Variants in SUFU observed in about 807,000 individuals in gnomAD.
SUFU encodes suppressor of fused homolog.
A neutral mutation model predicts 58.9 loss-of-function variants in SUFU; 7 were observed. That is an observed-to-expected ratio of 0.12 (90% CI 0.07 to 0.22). The LOEUF (loss-of-function observed/expected upper bound fraction) is 0.22. SUFU is among the 10% of genes least tolerant of loss of function. The pLI is 1.00. For synonymous variants in SUFU, 232 were observed against 254.8 expected (o/e 0.91, Z 0.85); for missense variants, 451 against 641.3 (o/e 0.70, Z 3.20).
At chr10:102,620,889 G>A (rs2135942829) in intron 10 of SUFU, among the ~76,000 whole-genome samples, 1 of 152,284 alleles carries the variant, frequency 6.6e-6, no homozygotes, top group South Asian at 2.1e-4. Flanking sequence ...GGTCACATAG[G>A]GGTCACATCA....
chr10:102,549,466 C>A (rs1219037365), intron 2 of SUFU, among the ~76,000 whole-genome samples: 1 of 152,124 alleles, frequency 6.6e-6, no homozygotes, highest in Non-Finnish European at 1.5e-5. Context: ...CTGGTTCCTC[C>A]CTTTACACGT....
chr10:102,595,840 A>G (rs780269246), intron 6 of SUFU, among the ~76,000 whole-genome samples: 1 of 152,200 alleles, frequency 6.6e-6, no homozygotes, highest in African/African-American at 2.4e-5. Context: ...GTGTGCCCAA[A>G]TAAGTCCCTC....
intron 3 of SUFU, among the ~76,000 whole-genome samples, chr10:102,585,055 G>A (rs2063322722): frequency 6.6e-6 from 1 of 152,244 alleles, no homozygotes; most frequent in Admixed American, 6.5e-5. Flanking sequence ...TGGGAACAAG[G>A]AATTTAAAGG....
At chr10:102,532,305 A>C (rs2062685921) in intron 2 of SUFU, among the ~76,000 whole-genome samples, 2 of 152,160 alleles carry the variant, frequency 1.3e-5, no homozygotes, top group Admixed American at 1.3e-4. Flanking sequence ...TAGATGCCAG[A>C]GGGCCCAGGA....
Position 102,630,216 on chromosome 10 carries a change from G to GT in SUFU, c.*62dup. 7.6e-7 allele frequency: 1 copy of GT among 1,313,912 alleles called. No individual in the cohort carries two copies. The highest frequency in any genetic ancestry group is 1.6e-5 in the African/African-American group (1 of 63,202). The allele number at this position is 1,313,912 out of a possible 1,614,324, so 81.4% of individuals were successfully genotyped here. ...CAGCTGCTCCCCAGTGACTTCCAGT[G>GT]TAACAGTTGTGTCAACGAGATCTCC... On this transcript the variant is annotated 3_prime_UTR_variant, in exon 12 of 12. Transcript: ENST00000369902.
chr10:102,602,309 C>T (rs370232520), intron 8 of SUFU, among the ~76,000 whole-genome samples: 1 of 152,192 alleles, frequency 6.6e-6, no homozygotes, highest in African/African-American at 2.4e-5. Context: ...ATCTTCCTTA[C>T]CCCATTCTCA....
At chr10:102,571,032 A>G (rs767716723) in intron 3 of SUFU, among the ~76,000 whole-genome samples, 2 of 152,164 alleles carry the variant, frequency 1.3e-5, no homozygotes, top group African/African-American at 2.4e-5. Context: ...TCATCACATC[A>G]TGTTTTGGTA....
intron 2 of SUFU, among the ~76,000 whole-genome samples, chr10:102,532,589 C>G (rs1302329891): frequency 1.3e-5 from 2 of 152,134 alleles, no homozygotes; most frequent in Admixed American, 6.6e-5. Flanking sequence ...TTCCTTGGAG[C>G]TGTCAGGGAT....
At chr10:102,544,647 C>T (rs2135730465) in intron 2 of SUFU, among the ~76,000 whole-genome samples, 1 of 152,252 alleles carries the variant, frequency 6.6e-6, no homozygotes, top group South Asian at 2.1e-4. Context: ...TGCAGTGAGC[C>T]AAGATTGTGC....
intron 3 of SUFU, among the ~76,000 whole-genome samples, chr10:102,562,395 G>C (rs757859018): frequency 1.3e-5 from 2 of 151,938 alleles, no homozygotes; most frequent in African/African-American, 4.8e-5. Flanking sequence ...GTGGTGGCAC[G>C]CACCTGTAGT....
chr10:102,520,658 GT>G (rs908624008), intron 2 of SUFU, among the ~76,000 whole-genome samples: 1 of 151,920 alleles, frequency 6.6e-6, no homozygotes, highest in East Asian at 1.9e-4. Context: ...CAACTGTTTG[GT>G]TTTTTTTACT....
chr10:102,561,073 C>T (rs529621599), intron 3 of SUFU, among the ~76,000 whole-genome samples: 1 of 152,276 alleles, frequency 6.6e-6, no homozygotes, highest in East Asian at 1.9e-4. Flanking sequence ...GAACTCCTGA[C>T]CTCAGGTGAT....
chr10:102,505,582 G>A (rs547899023), intron 1 of SUFU, among the ~76,000 whole-genome samples: 2 of 152,206 alleles, frequency 1.3e-5, no homozygotes, highest in African/African-American at 4.8e-5. Flanking sequence ...CCTGGACATC[G>A]GTGTCAGTAG....
chr10:102,527,298 G>A (rs949481552), intron 2 of SUFU, among the ~76,000 whole-genome samples: 8 of 151,902 alleles, frequency 5.3e-5, no homozygotes, highest in African/African-American at 1.9e-4. Flanking sequence ...CACCGCGCCC[G>A]GCCGACATTC....
intron 1 of SUFU, among the ~76,000 whole-genome samples, chr10:102,507,923 A>G (rs997268826): frequency 1.5e-5 from 2 of 135,980 alleles, no homozygotes; most frequent in African/African-American, 2.8e-5. Context: ...GATGGTTTCT[A>G]TTTGGTCTAT....
chr10:102,560,194 T>A (rs2063021719), intron 3 of SUFU, among the ~76,000 whole-genome samples: 1 of 152,230 alleles, frequency 6.6e-6, no homozygotes, highest in Non-Finnish European at 1.5e-5. Flanking sequence ...GTGAAAGTCC[T>A]TCATAATTCA....
At chr10:102,543,713 A>G (rs2062826207) in intron 2 of SUFU, among the ~76,000 whole-genome samples, 1 of 152,240 alleles carries the variant, frequency 6.6e-6, no homozygotes, top group East Asian at 1.9e-4. Context: ...TTCCTGTAAT[A>G]TAAATAAAAT....
At chr10:102,535,756 A>AT (rs2062730807) in intron 2 of SUFU, among the ~76,000 whole-genome samples, 1 of 152,124 alleles carries the variant, frequency 6.6e-6, no homozygotes, top group Non-Finnish European at 1.5e-5. Context: ...CAATGGAAGC[A>AT]TCCAGGCCAC....
intron 3 of SUFU, among the ~76,000 whole-genome samples, chr10:102,586,309 A>T (rs1220414901): frequency 1.3e-5 from 2 of 152,186 alleles, no homozygotes; most frequent in Non-Finnish European, 2.9e-5. Flanking sequence ...AAAATACTTA[A>T]TATATGCTGG....
Sources: allele counts gnomAD v4.1 joint callset (sites outside exome capture counted in the v4.1 genomes callset), GRCh38; gene constraint gnomAD v4.1.1; transcripts MANE v1.5; gene names NCBI Gene and HGNC (gene_info 2026-07-23, HGNC 2026-07-21).